ANTXR1: variants seen among roughly 807,000 people sequenced by gnomAD.
ANTXR1 encodes the protein anthrax toxin receptor 1.
ANTXR1 carries 19 observed loss-of-function variants against 78.1 expected under a neutral mutation model. The observed-to-expected ratio is 0.24, with a 90% CI of 0.17 to 0.36. The LOEUF (loss-of-function observed/expected upper bound fraction) is 0.36. Ranked by LOEUF, ANTXR1 falls within the 10% of genes least tolerant of loss-of-function variation. The pLI is 1.00. For missense variants in ANTXR1, 518 were observed against 718.6 expected, an observed-to-expected ratio of 0.72 and a Z score of 3.19; for synonymous variants, 273 against 260.5, an observed-to-expected ratio of 1.05 and a Z score of -0.46.
chr2:69,046,233 G>A (rs578181994), intron 3 of ANTXR1, among the ~76,000 whole-genome samples: 1 of 152,256 alleles, frequency 6.6e-6, no homozygotes, highest in Admixed American at 6.5e-5. Context: ...ATAAGAGTTT[G>A]GCCAAGAGAC....
chr2:69,214,225 C>A (rs939947487), intron 17 of ANTXR1, among the ~76,000 whole-genome samples: 12 of 152,218 alleles, frequency 7.9e-5, no homozygotes, highest in African/African-American at 2.9e-4. Context: ...CAAGCCATTC[C>A]CTGGCCTGCA....
chr2:69,141,202 G>A (rs1223398332), intron 12 of ANTXR1, among the ~76,000 whole-genome samples: 1 of 152,172 alleles, frequency 6.6e-6, no homozygotes, highest in Non-Finnish European at 1.5e-5. Context: ...CCAAGCATGG[G>A]CACATCACCA....
chr2:69,210,113 T>G (rs1475796299), intron 17 of ANTXR1, among the ~76,000 whole-genome samples: 1 of 152,148 alleles, frequency 6.6e-6, no homozygotes, highest in Non-Finnish European at 1.5e-5. Flanking sequence ...TTTTTGGAGA[T>G]AAAGCCAATG....
intron 17 of ANTXR1, among the ~76,000 whole-genome samples, chr2:69,243,601 T>C (rs1011402851): frequency 6.6e-6 from 1 of 152,308 alleles, no homozygotes; most frequent in Admixed American, 6.5e-5. Flanking sequence ...AAGTCTCTAA[T>C]AGCACACTCT....
intron 2 of ANTXR1, among the ~76,000 whole-genome samples, chr2:69,044,105 G>T (rs1364841846): frequency 2.0e-5 from 3 of 152,112 alleles, no homozygotes; most frequent in Non-Finnish European, 4.4e-5. Context: ...CATTGAGAAT[G>T]CTCCTGAGCA....
chr2:69,061,598 T>C (rs1670248142), intron 3 of ANTXR1, among the ~76,000 whole-genome samples: 1 of 151,426 alleles, frequency 6.6e-6, no homozygotes, highest in South Asian at 2.1e-4. Context: ...TCATTTGATA[T>C]GGACAGACAG....
intron 13 of ANTXR1, among the ~76,000 whole-genome samples, chr2:69,168,268 T>A (rs546801809): frequency 6.6e-6 from 1 of 152,250 alleles, no homozygotes; most frequent in African/African-American, 2.4e-5. Context: ...CAGCATCTAT[T>A]GAGCACCTAC....
chr2:69,141,070 A>G (rs766207706), intron 12 of ANTXR1, among the ~76,000 whole-genome samples: 10 of 152,336 alleles, frequency 6.6e-5, no homozygotes, highest in Admixed American at 2.0e-4. Flanking sequence ...TTCTTGACAC[A>G]TGGATGGCAA....
chr2:69,219,069 A>G (rs13002951), intron 17 of ANTXR1, among the ~76,000 whole-genome samples: 1 of 152,198 alleles, frequency 6.6e-6, no homozygotes, highest in Non-Finnish European at 1.5e-5. Context: ...GAATGCTTAA[A>G]AGAATTAAGC....
At chr2:69,146,417 T>G (rs1673227677) in intron 12 of ANTXR1, 2 of 966,778 alleles carry the variant, frequency 2.1e-6, no homozygotes, top group Admixed American at 6.2e-5. Context: ...GGTTGATACT[T>G]AGGCTATTGA....
At chr2:69,183,578 T>G (rs917768115) in intron 16 of ANTXR1, among the ~76,000 whole-genome samples, 8 of 122,278 alleles carry the variant, frequency 6.5e-5, no homozygotes, top group Admixed American at 3.9e-4. Flanking sequence ...ATTTTTGTTT[T>G]TTTTTTTTTT....
intron 8 of ANTXR1, among the ~76,000 whole-genome samples, chr2:69,078,204 T>C (rs370873319): frequency 2.6e-5 from 4 of 152,248 alleles, no homozygotes; most frequent in African/African-American, 7.2e-5. Flanking sequence ...TTGGTCCAAA[T>C]AGAATATTGG....
chr2:69,072,733 C>A (rs1283954109), intron 5 of ANTXR1, among the ~76,000 whole-genome samples: 2 of 152,234 alleles, frequency 1.3e-5, no homozygotes, highest in Non-Finnish European at 2.9e-5. Context: ...ACACTTGATT[C>A]ACCGGTGCTA....
intron 17 of ANTXR1, among the ~76,000 whole-genome samples, chr2:69,227,666 G>A (rs1007949899): frequency 1.3e-5 from 2 of 152,180 alleles, no homozygotes; most frequent in Admixed American, 6.5e-5. Context: ...ATGCTGTCAG[G>A]TGCCCAGGCT....
chr2:69,158,856 T>C (rs913164643), intron 13 of ANTXR1, among the ~76,000 whole-genome samples: 13 of 152,234 alleles, frequency 8.5e-5, no homozygotes, highest in Non-Finnish European at 1.5e-4. Context: ...ATGGGTTTAA[T>C]CTGGACATAG....
intron 10 of ANTXR1, among the ~76,000 whole-genome samples, chr2:69,118,107 A>C (rs533131552): frequency 6.6e-6 from 1 of 152,262 alleles, no homozygotes; most frequent in African/African-American, 2.4e-5. Context: ...TTATATTTCA[A>C]GATCATCTAA....
intron 17 of ANTXR1, among the ~76,000 whole-genome samples, chr2:69,199,815 C>A (rs1005164760): frequency 3.3e-5 from 5 of 152,088 alleles, no homozygotes; most frequent in Non-Finnish European, 7.3e-5. Context: ...AGGGCAGCAT[C>A]TTCTCTTTCC....
rs534922458 is a variant in ANTXR1, at chr2:69,122,213, A to C, written c.803-804A>C. The stretch of plus-strand genomic sequence containing the variant: ...CTGTCTTTGCTCATGCCATTCCTCC[A>C]ACCAAGAATGTCTCTTCCCCATCTC... On this transcript the variant is annotated intron_variant, in intron 10 of 17. Transcript: ENST00000303714. Among the ~76,000 whole-genome samples the C allele has an allele frequency of 2.0e-5, 3 of 152,268 alleles. No homozygotes were observed. In the East Asian group the frequency reaches 5.8e-4, roughly 29 times the overall value.
At chr2:69,187,245 C>T (rs1674440609) in intron 16 of ANTXR1, among the ~76,000 whole-genome samples, 1 of 152,166 alleles carries the variant, frequency 6.6e-6, no homozygotes, top group Non-Finnish European at 1.5e-5. Context: ...TTCCCCCCTT[C>T]CTCATTCCAG....
Sources: gnomAD v4.1 joint callset for allele counts (sites outside exome capture counted in the v4.1 genomes callset) on GRCh38, gnomAD v4.1.1 for gene constraint, MANE v1.5 for transcripts, NCBI Gene and HGNC (gene_info 2026-07-23, HGNC 2026-07-21) for gene names.